Variants in FMN1 observed in about 807,000 individuals in gnomAD.
FMN1 encodes the protein formin-1.
Under a neutral mutation model 132.4 loss-of-function variants are expected in FMN1, and 110 were observed. That is an observed-to-expected ratio of 0.83 (90% CI 0.71 to 0.97). The LOEUF is 0.97. FMN1 is among the 50% of genes least tolerant of loss of function. The pLI is 0.00. For missense variants in FMN1, 1,792 were observed against 1,705.3 expected (o/e 1.05, Z -0.90); for synonymous variants, 722 against 651.7 (o/e 1.11, Z -1.64).
intron 10 of FMN1, among the ~76,000 whole-genome samples, chr15:32,912,165 T>C (rs1204929505): frequency 1.3e-5 from 2 of 152,220 alleles, no homozygotes; most frequent in African/African-American, 2.4e-5. Flanking sequence ...CAAATAATCT[T>C]AACTAATGAG....
At chr15:33,134,981 G>A (rs1284242216) in intron 4 of FMN1, among the ~76,000 whole-genome samples, 4 of 152,198 alleles carry the variant, frequency 2.6e-5, no homozygotes, top group Non-Finnish European at 5.9e-5. Flanking sequence ...CAGCCTGGGT[G>A]ACAGAGTGAG....
intron 4 of FMN1, among the ~76,000 whole-genome samples, chr15:33,128,224 C>T (rs958094287): frequency 1.3e-5 from 2 of 151,974 alleles, no homozygotes; most frequent in Non-Finnish European, 2.9e-5. Context: ...GACTTACGAG[C>T]AACCAAAGAC....
intron 17 of FMN1, among the ~76,000 whole-genome samples, chr15:32,807,114 A>G (rs2057709526): frequency 6.6e-6 from 1 of 152,252 alleles, no homozygotes; most frequent in Admixed American, 6.5e-5. Context: ...GCTTGCTTAA[A>G]AAGAGATATA....
intron 5 of FMN1, chr15:33,066,927 G>A (rs1186395827): frequency 1.2e-6 from 2 of 1,613,838 alleles, no homozygotes; most frequent in African/African-American, 2.7e-5. Context: ...AGCCCTGCCT[G>A]CACTAAGGAC....
intron 17 of FMN1, among the ~76,000 whole-genome samples, chr15:32,845,965 A>G (rs12161966): frequency 0.14 from 21,987 of 151,752 alleles, 1,976 homozygotes; most frequent in East Asian, 0.31. Flanking sequence ...GACAAGAAAA[A>G]AAAAAAGGCC....
At chr15:32,856,226 C>A (rs899607654) in intron 17 of FMN1, among the ~76,000 whole-genome samples, 5 of 152,168 alleles carry the variant, frequency 3.3e-5, no homozygotes, top group African/African-American at 1.2e-4. Flanking sequence ...GAGATATCCC[C>A]CAAAGGCTCC....
rs1444996401 is a variant in FMN1 at position 33,067,560 on chromosome 15, T to C, written c.2044-2486A>G. On this transcript the variant is annotated intron_variant, in intron 5 of 20. Transcript: ENST00000616417. ...AGGAGAGATGTCCCTGCTTCTTTTC[T>C]CTGACTTCCCTCTGATTCTGTCTCC... is the stretch of plus-strand genomic sequence containing the variant. 6.2e-7 allele frequency: 1 copy of C among 1,613,998 alleles called. No homozygotes were observed. Among genetic ancestry groups the C allele is most frequent in the Non-Finnish European group, 8.5e-7 (1 of 1,179,890 alleles).
intron 4 of FMN1, among the ~76,000 whole-genome samples, chr15:33,125,027 C>G (rs1213526559): frequency 6.6e-6 from 1 of 152,036 alleles, no homozygotes; most frequent in Non-Finnish European, 1.5e-5. Flanking sequence ...GCATCCATGT[C>G]TACTCTATCA....
At chr15:32,801,874 C>G (rs1216762664) in intron 18 of FMN1, among the ~76,000 whole-genome samples, 4 of 152,182 alleles carry the variant, frequency 2.6e-5, no homozygotes, top group African/African-American at 9.7e-5. Context: ...ATGCTAAAAG[C>G]TAGAATATGA....
At chr15:33,184,000 G>A (rs1019760651) in intron 2 of FMN1, among the ~76,000 whole-genome samples, 3 of 151,926 alleles carry the variant, frequency 2.0e-5, no homozygotes, top group African/African-American at 7.3e-5. Context: ...TGTATCTCAA[G>A]GATATATCTT....
In FMN1 at chr15:32,926,227, G is replaced by A; in HGVS notation, c.3173C>T (p.Thr1058Ile). The A allele has an allele frequency of 6.5e-7, 1 of 1,527,348 alleles. No homozygotes were observed. The highest frequency in any genetic ancestry group is 1.3e-5 in the South Asian group (1 of 79,922). 94.6% of individuals were successfully genotyped at this position (1,527,348 alleles called of 1,614,324 possible). ...IKLLDGKRSQ[T>I]VGILISSLHL... ...TAAACTAGATATCAAGATTCCCACAGTTTGAGATCGTTTTCCATCCAACAA... is the reference window on the plus strand; with the variant it reads ...TAAACTAGATATCAAGATTCCCACAATTTGAGATCGTTTTCCATCCAACAA... Residue 1058 changes from threonine (T) to isoleucine (I), a missense_variant, in exon 10 of 21, where the codon ACT (threonine) becomes ATT (isoleucine). Transcript: ENST00000616417.
rs770187520 is a variant in FMN1, at chr15:32,769,241, G to A, written c.*5069C>T. 7 of 152,204 alleles carry A rather than the reference G, an allele frequency of 4.6e-5. No homozygotes were observed. The highest frequency in any genetic ancestry group is 1.0e-4 in the Non-Finnish European group (7 of 68,044). The allele number at this position is 152,204 out of a possible 1,614,324, so 9.4% of individuals were successfully genotyped here. On this transcript the variant is annotated 3_prime_UTR_variant, in exon 21 of 21. Transcript: ENST00000616417. ...CTTTATATCACAGTATTGGTTAAGAGTCTTGGAACAAATAAGGATACTGAA... is the reference window on the plus strand; with the variant it reads ...CTTTATATCACAGTATTGGTTAAGAATCTTGGAACAAATAAGGATACTGAA...
In FMN1 at chr15:33,067,221, C is replaced by T. The variant is rs760300068; in HGVS notation, c.2044-2147G>A. ...GGGCGACGCTCTGTCTGAAGACCAC[C>T]GTTGCCAGCTTCCAGTTTGCTGCTC... On this transcript the variant is annotated intron_variant, in intron 5 of 20. Coordinates refer to ENST00000616417, the MANE Select transcript of FMN1 (RefSeq NM_001277313.2). 2.2e-5 allele frequency: 35 copies of T among 1,613,376 alleles called. No homozygotes were observed. Among genetic ancestry groups the T allele is most frequent in the Non-Finnish European group, 2.7e-5 (32 of 1,179,892 alleles).
At chr15:32,973,917 A>C in intron 7 of FMN1, among the ~76,000 whole-genome samples, 1 of 152,194 alleles carries the variant, frequency 6.6e-6, no homozygotes, top group African/African-American at 2.4e-5. Flanking sequence ...CTTTATCCAG[A>C]TACACAGCTA....
At chr15:33,168,042 T>A (rs1965177881) in intron 3 of FMN1, among the ~76,000 whole-genome samples, 2 of 152,290 alleles carry the variant, frequency 1.3e-5, no homozygotes, top group African/African-American at 2.4e-5. Flanking sequence ...ATGGGCCAAC[T>A]GTAATTCTCA....
intron 16 of FMN1, among the ~76,000 whole-genome samples, chr15:32,859,383 C>T (rs575469051): frequency 2.2e-4 from 34 of 152,308 alleles, no homozygotes; most frequent in Admixed American, 1.2e-3. Context: ...ATTTGACTAA[C>T]CAAACCAAAG....
At chr15:32,995,717 G>A (rs529173806) in intron 7 of FMN1, among the ~76,000 whole-genome samples, 26 of 152,290 alleles carry the variant, frequency 1.7e-4, no homozygotes, top group Middle Eastern at 3.4e-3. Flanking sequence ...TTATGTACAT[G>A]AAATTATAGT....
At chr15:32,929,353 T>C (rs1452514304) in intron 9 of FMN1, among the ~76,000 whole-genome samples, 2 of 152,370 alleles carry the variant, frequency 1.3e-5, no homozygotes, top group African/African-American at 2.4e-5. Flanking sequence ...CAGAATGATA[T>C]GTCCTAAATC....
chr15:33,102,916 T>C (rs73378564), intron 4 of FMN1, among the ~76,000 whole-genome samples: 2 of 152,108 alleles, frequency 1.3e-5, no homozygotes, highest in African/African-American at 4.8e-5. Flanking sequence ...TTAAAATAGA[T>C]GTCTCCAGTG....
Sources: gnomAD v4.1 joint callset for allele counts (sites outside exome capture counted in the v4.1 genomes callset) on GRCh38, gnomAD v4.1.1 for gene constraint, MANE v1.5 for transcripts, NCBI Gene and HGNC (gene_info 2026-07-23, HGNC 2026-07-21) for gene names.